Variants in AATK observed in about 807,000 individuals in gnomAD.
AATK encodes the protein lemur tail kinase 1, also known as serine/threonine-protein kinase LMTK1.
A neutral mutation model predicts 114.3 loss-of-function variants in AATK; 91 were observed. The observed-to-expected ratio is 0.80, with a 90% confidence interval of 0.67 to 0.95. AATK has a LOEUF of 0.95. AATK is among the 40% of genes least tolerant of loss of function. The probability of loss-of-function intolerance (pLI) is 0.00; values close to 1 mark genes in which losing one functional copy is unlikely to be tolerated. For synonymous variants in AATK, 1,075 were observed against 916.5 expected (o/e 1.17, Z -3.12); for missense variants, 2,176 against 1,965.2 (o/e 1.11, Z -2.03).
chr17:81,152,064 C>T (rs577938529), intron 1 of AATK, among the ~76,000 whole-genome samples: 86 of 152,246 alleles, frequency 5.6e-4, no homozygotes, highest in Non-Finnish European at 8.2e-4. Context: ...CACTTGAGGT[C>T]GGAAGTTCGA....
chr17:81,141,118 C>A (rs988835528), intron 1 of AATK, among the ~76,000 whole-genome samples: 1 of 152,076 alleles, frequency 6.6e-6, no homozygotes, highest in African/African-American at 2.4e-5. Flanking sequence ...GTGGACTCTC[C>A]CCAGAGCCCA....
At chr17:81,141,018 GCCGTGGGGA>G (rs1206971461) in intron 1 of AATK, among the ~76,000 whole-genome samples, 5 of 148,164 alleles carry the variant, frequency 3.4e-5, no homozygotes, top group Non-Finnish European at 7.5e-5. Flanking sequence ...GGGCCCATGA[GCCGTGGGGA>G]CCGTGGGGAC....
intron 12 of AATK, 87 bp from the exon 13 acceptor site, chr17:81,119,667 C>T: frequency 6.5e-6 from 4 of 618,918 alleles, no homozygotes; most frequent in Non-Finnish European, 8.7e-6. Context: ...CCAGGCCCCG[C>T]CTCCCATCAT....
chr17:81,132,424 G>T (rs549132540), intron 2 of AATK, among the ~76,000 whole-genome samples: 24 of 152,204 alleles, frequency 1.6e-4, no homozygotes, highest in Admixed American at 7.8e-4. Flanking sequence ...CGGTATTCCC[G>T]CAGGCCAGGC....
chr17:81,160,017 T>C (rs1244432711), intron 1 of AATK, among the ~76,000 whole-genome samples: 2 of 152,114 alleles, frequency 1.3e-5, no homozygotes, highest in Non-Finnish European at 2.9e-5. Context: ...GAGGTGGCCT[T>C]GAGCAGCCCT....
Position 81,134,405 on chromosome 17 carries a change from G to A in AATK, c.152C>T (p.Ala51Val), listed in dbSNP as rs766739814. 6.2e-7 allele frequency: 1 copy of A among 1,613,336 alleles called. No homozygotes were observed. The highest frequency in any genetic ancestry group is 1.1e-5 in the South Asian group (1 of 91,078). Residue 51 changes from alanine to valine, a missense_variant, in exon 2 of 14, where the codon GCC becomes GTC. Physicochemically the swap from Ala to Val is moderately conservative, Grantham distance 64. Coordinates refer to ENST00000326724, the MANE Select transcript of AATK (RefSeq NM_001080395.3). ...ACCGCCCTTCTTACAGCACAGGCAG[G>A]CCAGCATGAGGACGATGACGGCGAA... Reference protein sequence around the residue: ...GLFAVIVLMLACLCCKKGGIG... With the variant: ...GLFAVIVLMLVCLCCKKGGIG...
Position 81,120,695 on chromosome 17 carries a change from G to T in AATK, c.3241C>A (p.Pro1081Thr). Residue 1081 changes from proline (P) to threonine (T), a missense_variant, in exon 11 of 14, where the codon CCG (proline) becomes ACG (threonine). Pro to Thr is a conservative substitution (Grantham distance 38). This residue lies in a region of AATK where 1,701 missense variants were observed against 1,394.7 expected (regional missense o/e 1.22). Transcript: ENST00000326724. ...ACCTTGGCTGGGCCTTGGGGCTCCG[G>T]AGGCTCTGGGACCAGGCCCGAGGGG... ...TCPSGLVPEPPEPQGPAKVRP... is the reference protein window; with the variant it reads ...TCPSGLVPEPTEPQGPAKVRP... 2 of 1,519,438 alleles carry T rather than the reference G, an allele frequency of 1.3e-6. No homozygotes were observed. The highest frequency in any genetic ancestry group is 4.7e-5 in the East Asian group (2 of 42,716). The allele number at this position is 1,519,438 out of a possible 1,614,324, so 94.1% of individuals were successfully genotyped here. A position where few individuals can be genotyped will look rare whatever the true frequency, so the allele number is the denominator to read the frequency against.
intron 4 of AATK, 120 bp from the exon 5 acceptor site, chr17:81,128,030 G>T: frequency 1.6e-6 from 2 of 1,245,050 alleles, no homozygotes; most frequent in Non-Finnish European, 2.2e-6. Flanking sequence ...CTCCTCCTGT[G>T]CCCCGTCCAC....
intron 1 of AATK, among the ~76,000 whole-genome samples, chr17:81,150,259 G>A (rs1263009885): frequency 2.0e-5 from 3 of 151,932 alleles, no homozygotes; most frequent in Non-Finnish European, 4.4e-5. Flanking sequence ...TTTGTGTTAT[G>A]TGAATTATAC....
chr17:81,131,293 C>T (rs2060927149), intron 2 of AATK, 88 bp from the exon 3 acceptor site: 7 of 1,456,860 alleles, frequency 4.8e-6, no homozygotes, highest in East Asian at 2.5e-5. Flanking sequence ...CTTCCAGGGC[C>T]GAGCTCCCAG....
In AATK at chr17:81,126,035, T is replaced by C; in HGVS notation, c.755+392A>G. 2.1e-6 allele frequency: 1 copy of C among 481,876 alleles called. No individual in the cohort carries two copies. The highest frequency in any genetic ancestry group is 4.2e-6 in the Non-Finnish European group (1 of 235,876). The allele number at this position is 481,876 out of a possible 1,614,324, so 29.9% of individuals were successfully genotyped here. A position where few individuals can be genotyped will look rare whatever the true frequency, so the allele number is the denominator to read the frequency against. ...ATGTCCCCCCGGGGTCCCCAGGGGC[T>C]GGGCATCCTGGCCCAAGCAGGACAG... On this transcript the variant is annotated intron_variant, in intron 7 of 13. Coordinates refer to ENST00000326724, the MANE Select transcript of AATK (RefSeq NM_001080395.3). This position sits in a 1 kb window ranked among gnomAD's most constrained non-coding sequence, Gnocchi z 5.1.
intron 1 of AATK, among the ~76,000 whole-genome samples, chr17:81,162,381 C>T (rs2061437573): frequency 6.6e-6 from 1 of 152,140 alleles, no homozygotes. Context: ...ACAGGTAACT[C>T]CTCCCAGGGC....
chr17:81,147,900 G>T (rs1399451419), intron 1 of AATK, among the ~76,000 whole-genome samples: 8 of 152,124 alleles, frequency 5.3e-5, no homozygotes, highest in Non-Finnish European at 4.4e-5. Context: ...AGACAGATGT[G>T]CATATACATA....
Position 81,165,997 on chromosome 17 carries a change from G to A in AATK, c.-5C>T, listed in dbSNP as rs1567833243. On this transcript the variant is annotated 5_prime_UTR_variant, in exon 1 of 14. Transcript: ENST00000326724. The stretch of plus-strand genomic sequence containing the variant: ...GTTGAAGAAGGACGACGACATGGCC[G>A]GGCCAGCGGCCGGCGGGCATCCCGG... 1 of 1,566,386 alleles carries A rather than the reference G, an allele frequency of 6.4e-7. No homozygotes were observed. The highest frequency in any genetic ancestry group is 8.6e-7 in the Non-Finnish European group (1 of 1,158,986).
chr17:81,118,336 A>G lies in AATK; in HGVS notation c.*66T>C, dbSNP rs2060594134. ...CGTGGTCCCCACCTTCTCGGTCACCATCCTCGCTGCTGCCTGGCAGGGGCT... is the reference window on the plus strand; with the variant it reads ...CGTGGTCCCCACCTTCTCGGTCACCGTCCTCGCTGCTGCCTGGCAGGGGCT... On this transcript the variant is annotated 3_prime_UTR_variant, in exon 14 of 14. Transcript: ENST00000326724. 1.3e-6 allele frequency: 2 copies of G among 1,517,018 alleles called. No homozygotes were observed. Among genetic ancestry groups the G allele is most frequent in the South Asian group, 1.2e-5 (1 of 82,754 alleles). The allele number at this position is 1,517,018 out of a possible 1,614,324, so 94.0% of individuals were successfully genotyped here.
chr17:81,127,445 G>T (rs1180598723), intron 6 of AATK, 138 bp downstream of exon 6: 2 of 819,094 alleles, frequency 2.4e-6, no homozygotes, highest in Non-Finnish European at 4.1e-6. Context: ...TCTGGAAGGT[G>T]GTGGGGGCAG....
intron 1 of AATK, among the ~76,000 whole-genome samples, chr17:81,140,925 CCGT>C (rs2061125894): frequency 1.2e-5 from 1 of 85,048 alleles, no homozygotes; most frequent in Non-Finnish European, 2.5e-5. Flanking sequence ...GGCCGTGGGA[CCGT>C]GGGACCATGG....
In AATK at chr17:81,120,789, G is replaced by A; in HGVS notation, c.3147C>T (p.Gly1049=). The A allele has an allele frequency of 1.3e-6, 2 of 1,567,798 alleles. No individual in the cohort carries two copies. The highest frequency in any genetic ancestry group is 1.7e-6 in the Non-Finnish European group (2 of 1,156,990). The stretch of plus-strand genomic sequence containing the variant: ...GGGGCAGCACCTCCCCGGGGCCAGA[G>A]CCTTGTGCCTCCCCGGAAACCCCAG... ...LRPGVSGEAQ[G]SGPGEVLPPL... is the part of the protein sequence containing the mutation. The change falls in exon 11 of 14, where the codon GGC becomes GGT. Residue 1049 remains glycine, a synonymous_variant. Coordinates refer to ENST00000326724, the MANE Select transcript of AATK (RefSeq NM_001080395.3).
rs1321152890 is a variant in AATK, at chr17:81,142,927, A to G, written c.56-8426T>C. 2.0e-5 allele frequency among the ~76,000 whole-genome samples: 3 copies of G among 152,218 alleles called. 1 individual carries two copies. The South Asian group carries it at 6.2e-4, about 32-fold the overall frequency. On this transcript the variant is annotated intron_variant, in intron 1 of 13. Coordinates refer to ENST00000326724, the MANE Select transcript of AATK (RefSeq NM_001080395.3). ...CAGCCATTTTACACACGCAGTGGAAAGGACAGGAGGCTCCTGGGACTCTGG... is the reference window on the plus strand; with the variant it reads ...CAGCCATTTTACACACGCAGTGGAAGGGACAGGAGGCTCCTGGGACTCTGG...
Sources: gnomAD v4.1 joint callset for allele counts (sites outside exome capture counted in the v4.1 genomes callset) on GRCh38, gnomAD v4.1.1 for gene constraint, gnomAD v4.1.1 regional missense constraint, Gnocchi (gnomAD v3.1) non-coding constraint, MANE v1.5 for transcripts, NCBI Gene and HGNC (gene_info 2026-07-23, HGNC 2026-07-21) for gene names.